Variants in KCNQ5 observed in about 807,000 individuals in gnomAD.
KCNQ5 encodes the protein potassium voltage-gated channel subfamily KQT member 5.
In KCNQ5, 30 loss-of-function variants were observed where a neutral mutation model predicts 98.2. That is an observed-to-expected ratio of 0.31 (90% CI 0.23 to 0.41). KCNQ5 has a LOEUF of 0.41. Among genes scored for constraint, KCNQ5 ranks in the 10% least tolerant of loss-of-function variants. The pLI, the probability that KCNQ5 is intolerant of heterozygous loss-of-function variation, is 1.00. For missense variants in KCNQ5, 835 were observed against 1,182.5 expected, an observed-to-expected ratio of 0.71 and a Z score of 4.31; for synonymous variants, 458 against 449.4, an observed-to-expected ratio of 1.02 and a Z score of -0.24.
intron 1 of KCNQ5, among the ~76,000 whole-genome samples, chr6:72,649,723 A>C (rs1451788280): frequency 1.3e-5 from 2 of 152,160 alleles, no homozygotes; most frequent in Non-Finnish European, 2.9e-5. Context: ...ATTCAGATGA[A>C]GCATTACACG....
At chr6:72,803,661 A>G (rs1313878135) in intron 1 of KCNQ5, among the ~76,000 whole-genome samples, 1 of 152,120 alleles carries the variant, frequency 6.6e-6, no homozygotes, top group East Asian at 1.9e-4. Context: ...TACTCCTAAT[A>G]TGTTCACAAA....
chr6:73,159,739 AC>A (rs770968401), intron 10 of KCNQ5, among the ~76,000 whole-genome samples: 1 of 152,182 alleles, frequency 6.6e-6, no homozygotes. Flanking sequence ...ACTTATTTGT[AC>A]ATATATATTT....
intron 11 of KCNQ5, among the ~76,000 whole-genome samples, chr6:73,171,199 A>G (rs1778003175): frequency 6.6e-6 from 1 of 152,198 alleles, no homozygotes; most frequent in Non-Finnish European, 1.5e-5. Flanking sequence ...TATCTGTAGC[A>G]GCAGCCTAAA....
At chr6:72,924,284 A>G (rs1780529637) in intron 1 of KCNQ5, among the ~76,000 whole-genome samples, 1 of 152,200 alleles carries the variant, frequency 6.6e-6, no homozygotes, top group Non-Finnish European at 1.5e-5. Flanking sequence ...ACAGATTTCA[A>G]AATAACACAC....
chr6:72,884,015 A>G (rs1458347073), intron 1 of KCNQ5, among the ~76,000 whole-genome samples: 1 of 152,226 alleles, frequency 6.6e-6, no homozygotes, highest in Non-Finnish European at 1.5e-5. Context: ...TCTTAAGGAC[A>G]TATATGATAG....
At chr6:72,680,119 C>T (rs1219188226) in intron 1 of KCNQ5, among the ~76,000 whole-genome samples, 5 of 152,176 alleles carry the variant, frequency 3.3e-5, no homozygotes, top group Non-Finnish European at 7.4e-5. Context: ...ACCATTATCA[C>T]TATGGGATTC....
intron 1 of KCNQ5, among the ~76,000 whole-genome samples, chr6:72,896,948 G>T (rs746530772): frequency 2.7e-4 from 41 of 151,958 alleles, no homozygotes; most frequent in Non-Finnish European, 5.0e-4. Flanking sequence ...TTGTTGGTTG[G>T]TTGGTTGGTT....
intron 1 of KCNQ5, among the ~76,000 whole-genome samples, chr6:72,824,296 G>A (rs1562006543): frequency 6.6e-6 from 1 of 151,944 alleles, no homozygotes; most frequent in Non-Finnish European, 1.5e-5. Context: ...AGCGGTGGTG[G>A]GGTCTGTGAA....
chr6:72,743,988 A>C (rs924665932), intron 1 of KCNQ5, among the ~76,000 whole-genome samples: 7 of 152,166 alleles, frequency 4.6e-5, no homozygotes, highest in Non-Finnish European at 1.0e-4. Context: ...TCAGCTTATG[A>C]TCCCTTTGAG....
At chr6:72,998,678 A>C (rs993485823) in intron 1 of KCNQ5, among the ~76,000 whole-genome samples, 3 of 151,958 alleles carry the variant, frequency 2.0e-5, no homozygotes, top group Admixed American at 6.6e-5. Context: ...AGGAGCTTGC[A>C]GTAGGTCAAG....
intron 1 of KCNQ5, among the ~76,000 whole-genome samples, chr6:72,940,262 G>A (rs1286041100): frequency 6.6e-6 from 1 of 152,172 alleles, no homozygotes; most frequent in African/African-American, 2.4e-5. Context: ...TCTACCAAAG[G>A]AAACTGAATC....
At chr6:73,053,826 T>C (rs1343427076) in intron 3 of KCNQ5, among the ~76,000 whole-genome samples, 3 of 151,934 alleles carry the variant, frequency 2.0e-5, no homozygotes, top group Non-Finnish European at 1.5e-5. Context: ...CCAAAGCTAG[T>C]AGAACACAAG....
chr6:73,165,819 C>G (rs1475211304), intron 10 of KCNQ5, among the ~76,000 whole-genome samples: 1 of 151,832 alleles, frequency 6.6e-6, no homozygotes, highest in Non-Finnish European at 1.5e-5. Context: ...GTGGTGGGCA[C>G]CTATAATCCC....
Position 72,861,614 on chromosome 6 carries a change from TA to T in KCNQ5, c.399-142291del, listed in dbSNP as rs370919988. On this transcript the variant is annotated intron_variant, in intron 1 of 13. Transcript: ENST00000370398. Reference sequence around the variant, plus strand: ...ATCTTCCTCAGAAATGACTTGATTGTAAACAGAGAGAAAAGGAAATTAATGG... The same window carrying T: ...ATCTTCCTCAGAAATGACTTGATTGTAACAGAGAGAAAAGGAAATTAATGG... Among the ~76,000 whole-genome samples the T allele has an allele frequency of 3.2e-3, 489 of 152,260 alleles. 3 individuals carry two copies. Among genetic ancestry groups the T allele is most frequent in the African/African-American group, 0.011 (452 of 41,568 alleles).
intron 8 of KCNQ5, among the ~76,000 whole-genome samples, chr6:73,120,790 T>C (rs1582395192): frequency 1.3e-5 from 2 of 152,348 alleles, no homozygotes; most frequent in East Asian, 3.9e-4. Flanking sequence ...GGGTTAAAGA[T>C]TAAAATAATG....
intron 1 of KCNQ5, among the ~76,000 whole-genome samples, chr6:72,789,410 A>C (rs1223032318): frequency 6.6e-6 from 1 of 152,224 alleles, no homozygotes; most frequent in Non-Finnish European, 1.5e-5. Context: ...ACTGAAACTG[A>C]AACTCAGGTG....
chr6:72,952,315 T>C (rs1766844709), intron 1 of KCNQ5, among the ~76,000 whole-genome samples: 1 of 152,212 alleles, frequency 6.6e-6, no homozygotes, highest in African/African-American at 2.4e-5. Flanking sequence ...AACTTTTCCA[T>C]TCTACTTGGT....
intron 1 of KCNQ5, among the ~76,000 whole-genome samples, chr6:72,815,662 G>T (rs1055514886): frequency 1.3e-5 from 2 of 152,216 alleles, no homozygotes; most frequent in Non-Finnish European, 2.9e-5. Context: ...AGCATGATCA[G>T]ATTTAAGCGT....
intron 1 of KCNQ5, among the ~76,000 whole-genome samples, chr6:72,693,343 A>G (rs1372702476): frequency 6.6e-6 from 1 of 152,106 alleles, no homozygotes; most frequent in African/African-American, 2.4e-5. Context: ...AGAAGAGTTG[A>G]TAAGGAGTGC....
Sources: allele counts gnomAD v4.1 joint callset (sites outside exome capture counted in the v4.1 genomes callset), GRCh38; gene constraint gnomAD v4.1.1; transcripts MANE v1.5; gene names NCBI Gene and HGNC (gene_info 2026-07-23, HGNC 2026-07-21).